Variants in PRDM1 observed in about 807,000 individuals in gnomAD.
PRDM1 encodes the protein PR/SET domain 1, also known as PR domain zinc finger protein 1.
A neutral mutation model predicts 62.8 loss-of-function variants in PRDM1; 13 were observed. That is an observed-to-expected ratio of 0.21 (90% CI 0.13 to 0.33). The LOEUF is 0.33. PRDM1 is among the 10% of genes least tolerant of loss of function. PRDM1 has a pLI of 1.00. For synonymous variants in PRDM1, 396 were observed against 417.6 expected (o/e 0.95, Z 0.63); for missense variants, 895 against 1,058.8 (o/e 0.85, Z 2.15).
intron 1 of PRDM1, among the ~76,000 whole-genome samples, chr6:106,071,271 A>C (rs1313279112): frequency 6.6e-6 from 1 of 151,864 alleles, no homozygotes; most frequent in Non-Finnish European, 1.5e-5. Flanking sequence ...AGACTGGCTC[A>C]AAAAAAAGAA....
upstream of PRDM1, among the ~76,000 whole-genome samples, chr6:105,992,909 T>C (rs1003727656): frequency 6.6e-6 from 1 of 152,214 alleles, no homozygotes; most frequent in Admixed American, 6.5e-5. Context: ...CCAGGAAAGA[T>C]AGGGCCTCAG....
At chr6:106,035,016 T>C (rs565603436) in intron 1 of PRDM1, among the ~76,000 whole-genome samples, 3 of 152,352 alleles carry the variant, frequency 2.0e-5, no homozygotes, top group African/African-American at 7.2e-5. Context: ...ATATATTCTA[T>C]TGTTATTGCA....
At chr6:106,023,188 A>G (rs1772719039) in intron 1 of PRDM1, among the ~76,000 whole-genome samples, 1 of 152,250 alleles carries the variant, frequency 6.6e-6, no homozygotes, top group Non-Finnish European at 1.5e-5. Flanking sequence ...ATTTGAGGAC[A>G]TGATCTTTGT....
upstream of PRDM1, among the ~76,000 whole-genome samples, chr6:106,048,216 CAA>C (rs71006668): frequency 1.7e-4 from 19 of 110,198 alleles, no homozygotes; most frequent in East Asian, 2.6e-4. Flanking sequence ...CCATCTCTAC[CAA>C]AAAAAAAAAA....
chr6:106,046,507 C>T (rs190556863), upstream of PRDM1: 105 of 152,468 alleles, frequency 6.9e-4, no homozygotes, highest in African/African-American at 2.3e-3. Flanking sequence ...TCCTCTTTGA[C>T]AGCTAGAATA....
At chr6:106,087,531 C>T (rs1054842815) in intron 1 of PRDM1, 2 of 232,630 alleles carry the variant, frequency 8.6e-6, no homozygotes, top group African/African-American at 4.4e-5. Flanking sequence ...TCCTGTGGTC[C>T]AAGTGATTTC....
chr6:106,095,552 T>G, intron 2 of PRDM1, 63 bp from the exon 3 acceptor site: 2 of 1,567,728 alleles, frequency 1.3e-6, no homozygotes, highest in Non-Finnish European at 1.7e-6. Context: ...ATTTATTTAA[T>G]TGAAAAGATT....
At chr6:106,064,841 G>GTTTTCTGGCT (rs1363024636) in intron 1 of PRDM1, among the ~76,000 whole-genome samples, 1 of 152,188 alleles carries the variant, frequency 6.6e-6, no homozygotes, top group African/African-American at 2.4e-5. Flanking sequence ...AGATTCTGGA[G>GTTTTCTGGCT]GGGTTTTCAG....
At chr6:106,035,597 C>A (rs1772913340) in intron 1 of PRDM1, among the ~76,000 whole-genome samples, 3 of 152,040 alleles carry the variant, frequency 2.0e-5, no homozygotes, top group Admixed American at 1.3e-4. Flanking sequence ...CCACATTACT[C>A]CAGCCTGGGT....
In PRDM1 at chr6:106,108,853, T is replaced by C. The variant is rs1413385305; in HGVS notation, c.*1367T>C. 1 of 232,524 alleles carries C rather than the reference T, an allele frequency of 4.3e-6. No individual in the cohort carries two copies. The highest frequency in any genetic ancestry group is 8.5e-6 in the Non-Finnish European group (1 of 117,428). 14.4% of individuals were successfully genotyped at this position (232,524 alleles called of 1,614,324 possible). A position where few individuals can be genotyped will look rare whatever the true frequency, so the allele number is the denominator to read the frequency against. ...TCCAGTAGTGCAGGAAATGATGTCTTATCTAATGATTTGCTTCTCTAGAGG... is the reference window on the plus strand; with the variant it reads ...TCCAGTAGTGCAGGAAATGATGTCTCATCTAATGATTTGCTTCTCTAGAGG... On this transcript the variant is annotated 3_prime_UTR_variant, in exon 7 of 7. Transcript: ENST00000369096.
At chr6:106,033,325 T>A (rs1472972584) in intron 1 of PRDM1, among the ~76,000 whole-genome samples, 2 of 151,476 alleles carry the variant, frequency 1.3e-5, no homozygotes, top group African/African-American at 4.8e-5. Flanking sequence ...TAGTTTTTTT[T>A]TTTTTTTTGT....
chr6:106,104,445 A>G (rs1412681746), intron 4 of PRDM1, among the ~76,000 whole-genome samples: 2 of 152,198 alleles, frequency 1.3e-5, no homozygotes, highest in African/African-American at 4.8e-5. Flanking sequence ...TTCCGACCTC[A>G]GGTGATCCGC....
intron 4 of PRDM1, among the ~76,000 whole-genome samples, chr6:106,101,144 T>G (rs567907936): frequency 6.6e-6 from 1 of 152,300 alleles, no homozygotes; most frequent in South Asian, 2.1e-4. Context: ...CTGGCTTTCT[T>G]AACATAGTGA....
intron 1 of PRDM1, among the ~76,000 whole-genome samples, chr6:106,066,340 A>T (rs756287251): frequency 3.9e-5 from 6 of 152,192 alleles, no homozygotes; most frequent in Non-Finnish European, 8.8e-5. Flanking sequence ...AAGCGGGGTG[A>T]GCTGTGAGGA....
At chr6:105,996,233 GTGT>G (rs1223453252) in intron 1 of PRDM1, among the ~76,000 whole-genome samples, 9 of 152,048 alleles carry the variant, frequency 5.9e-5, no homozygotes, top group Non-Finnish European at 1.0e-4. Context: ...ATCTGAATCG[GTGT>G]TGTCAAACTT....
intron 1 of PRDM1, among the ~76,000 whole-genome samples, chr6:106,010,074 G>T (rs780210848): frequency 2.3e-4 from 35 of 152,126 alleles, no homozygotes; most frequent in Non-Finnish European, 4.7e-4. Context: ...AGTCCAGCAG[G>T]CACTCTGAGA....
intron 1 of PRDM1, among the ~76,000 whole-genome samples, chr6:106,056,804 A>G (rs1249225832): frequency 6.6e-6 from 1 of 152,170 alleles, no homozygotes; most frequent in Non-Finnish European, 1.5e-5. Flanking sequence ...CCCTTCCTTC[A>G]GAACATATTC....
Position 106,106,428 on chromosome 6 carries a change from G to C in PRDM1, c.1831G>C (p.Gly611Arg), listed in dbSNP as rs1161056552. 1.9e-6 allele frequency: 3 copies of C among 1,614,134 alleles called. No individual in the cohort carries two copies. The highest frequency in any genetic ancestry group is 2.5e-6 in the Non-Finnish European group (3 of 1,180,032). Residue 611 changes from glycine (G) to arginine (R), a missense_variant, in exon 6 of 7, where the codon GGC becomes CGC. Gly to Arg is a moderately radical substitution (Grantham distance 125). Coordinates refer to ENST00000369096, the MANE Select transcript of PRDM1 (RefSeq NM_001198.4). This position sits in a 1 kb window ranked among gnomAD's most constrained non-coding sequence, Gnocchi z 4.4. ...RPFKCQTCNKGFTQLAHLQKH... is the reference protein window; with the variant it reads ...RPFKCQTCNKRFTQLAHLQKH... The stretch of plus-strand genomic sequence containing the variant: ...TTTCAAATGTCAGACTTGCAACAAG[G>C]GCTTTACTCAGCTCGCCCACCTGCA...
upstream of PRDM1, among the ~76,000 whole-genome samples, chr6:106,083,149 A>G (rs1273281961): frequency 6.9e-6 from 1 of 145,824 alleles, no homozygotes; most frequent in Non-Finnish European, 1.5e-5. Context: ...TCAGGCTTAC[A>G]GTTGGTCCCC....
Sources: allele counts gnomAD v4.1 joint callset (sites outside exome capture counted in the v4.1 genomes callset), GRCh38; gene constraint gnomAD v4.1.1; non-coding constraint Gnocchi (gnomAD v3.1); transcripts MANE v1.5; gene names NCBI Gene and HGNC (gene_info 2026-07-23, HGNC 2026-07-21).